The following GABBR2 variants were observed in gnomAD, a reference collection of about 807,000 sequenced individuals.
GABBR2 encodes the protein gamma-aminobutyric acid type B receptor subunit 2.
In GABBR2, 23 loss-of-function variants were observed where a neutral mutation model predicts 105.6. That is an observed-to-expected ratio of 0.22 (90% CI 0.16 to 0.31). The LOEUF (loss-of-function observed/expected upper bound fraction) is 0.31. GABBR2 is among the 10% of genes least tolerant of loss of function. The pLI is 1.00. For missense variants in GABBR2, 734 were observed against 1,245.5 expected (o/e 0.59, Z 6.18); for synonymous variants, 478 against 499.7 (o/e 0.96, Z 0.58).
At chr9:98,575,709 G>T (rs943548720) in intron 2 of GABBR2, among the ~76,000 whole-genome samples, 1 of 152,164 alleles carries the variant, frequency 6.6e-6, no homozygotes, top group African/African-American at 2.4e-5. Flanking sequence ...ATGAGGCCAG[G>T]CTCCCACGGC....
At chr9:98,534,234 G>A (rs552279774) in intron 3 of GABBR2, among the ~76,000 whole-genome samples, 1 of 152,374 alleles carries the variant, frequency 6.6e-6, no homozygotes, top group African/African-American at 2.4e-5. Flanking sequence ...CCTCACCTCA[G>A]TGGGGCCTGC....
chr9:98,653,674 C>T (rs180869989), intron 1 of GABBR2, among the ~76,000 whole-genome samples: 1 of 152,228 alleles, frequency 6.6e-6, no homozygotes, highest in East Asian at 1.9e-4. Context: ...GCTGTTAGCA[C>T]AGCCTCTTCT....
chr9:98,557,187 C>T (rs960163494), intron 2 of GABBR2, among the ~76,000 whole-genome samples: 6 of 152,144 alleles, frequency 3.9e-5, no homozygotes, highest in Non-Finnish European at 8.8e-5. Context: ...TTTGCTCCAG[C>T]GTCCTCTCTC....
intron 4 of GABBR2, 112 bp downstream of exon 4, chr9:98,496,301 G>T: frequency 2.8e-6 from 2 of 718,146 alleles, no homozygotes. Flanking sequence ...TGCCAAGGTG[G>T]AAATGAACTT....
At chr9:98,638,412 G>A (rs761701676) in intron 1 of GABBR2, among the ~76,000 whole-genome samples, 40 of 152,196 alleles carry the variant, frequency 2.6e-4, no homozygotes, top group Non-Finnish European at 5.3e-4. Context: ...ACAGAGAAGC[G>A]AAGCAGAGAT....
At chr9:98,403,757 AT>A (rs869232359) in intron 8 of GABBR2, among the ~76,000 whole-genome samples, 411 of 129,282 alleles carry the variant, frequency 3.2e-3, no homozygotes, top group African/African-American at 0.011. Context: ...AAAAAAAAAA[AT>A]ATATATATAT....
intron 6 of GABBR2, among the ~76,000 whole-genome samples, chr9:98,469,624 G>C (rs377340220): frequency 6.6e-6 from 1 of 152,188 alleles, no homozygotes; most frequent in African/African-American, 2.4e-5. Flanking sequence ...TATCCTGAGA[G>C]CCTTAAGTTA....
intron 15 of GABBR2, among the ~76,000 whole-genome samples, chr9:98,305,541 G>A (rs1830537476): frequency 1.3e-5 from 2 of 152,188 alleles, no homozygotes; most frequent in South Asian, 4.1e-4. Flanking sequence ...TAGGCTGGGC[G>A]AGGTGGCTCA....
At chr9:98,354,917 TTTCAACCTGCC>T (rs1157597696) in intron 13 of GABBR2, among the ~76,000 whole-genome samples, 6 of 152,340 alleles carry the variant, frequency 3.9e-5, no homozygotes, top group South Asian at 2.1e-4. Context: ...CTATCTCTGC[TTTCAACCTGCC>T]TTCAACCTGC....
At chr9:98,687,421 G>T (rs1186419199) in intron 1 of GABBR2, among the ~76,000 whole-genome samples, 2 of 152,042 alleles carry the variant, frequency 1.3e-5, no homozygotes, top group African/African-American at 4.8e-5. Context: ...TTCAGGGTGG[G>T]GAATTCTCAC....
intron 1 of GABBR2, among the ~76,000 whole-genome samples, chr9:98,616,947 G>T (rs771947658): frequency 6.6e-6 from 1 of 152,134 alleles, no homozygotes; most frequent in Non-Finnish European, 1.5e-5. Context: ...CCCTCAAAAT[G>T]CAGAACCATG....
At position 98,293,855 on chromosome 9, in the gene GABBR2, G is replaced by T. The variant is rs2131336258; in HGVS notation, c.2590C>A (p.Leu864Ile). The change falls in exon 18 of 19, where the codon CTA becomes ATA. Residue 864 changes from leucine to isoleucine, a missense_variant. Physicochemically the swap from Leu to Ile is conservative, Grantham distance 5 (BLOSUM62 2). Transcript: ENST00000259455. Reference protein sequence around the residue: ...LKNHLDQNPQLQWNTTEPSRT... With the variant: ...LKNHLDQNPQIQWNTTEPSRT... The stretch of plus-strand genomic sequence containing the variant: ...GAGGGCTCTGTTGTGTTCCACTGTA[G>T]CTGGGGATTTTGATCGAGGTGATTT... 6.2e-7 allele frequency: 1 copy of T among 1,613,086 alleles called. No individual in the cohort carries two copies. The highest frequency in any genetic ancestry group is 1.6e-4 in the Middle Eastern group (1 of 6,062).
At chr9:98,684,247 A>G (rs1487995921) in intron 1 of GABBR2, among the ~76,000 whole-genome samples, 2 of 147,126 alleles carry the variant, frequency 1.4e-5, no homozygotes, top group African/African-American at 2.5e-5. Flanking sequence ...TCTGAAGTCT[A>G]TTTTTTTTAA....
chr9:98,459,881 C>G (rs1355777590), intron 6 of GABBR2, among the ~76,000 whole-genome samples: 1 of 152,212 alleles, frequency 6.6e-6, no homozygotes, highest in Non-Finnish European at 1.5e-5. Context: ...ACTACTCTAA[C>G]TACTTGCTTG....
chr9:98,423,993 T>C (rs1832829893), intron 7 of GABBR2, among the ~76,000 whole-genome samples: 1 of 152,214 alleles, frequency 6.6e-6, no homozygotes, highest in Admixed American at 6.5e-5. Flanking sequence ...TCTGTTTTGG[T>C]ACCAGTACCA....
intron 1 of GABBR2, among the ~76,000 whole-genome samples, chr9:98,676,328 T>C (rs1830477320): frequency 6.6e-6 from 1 of 152,234 alleles, no homozygotes; most frequent in South Asian, 2.1e-4. Flanking sequence ...TTAGCAAGAC[T>C]CATTTTGGAC....
At chr9:98,383,481 T>C (rs1050784843) in intron 11 of GABBR2, among the ~76,000 whole-genome samples, 1 of 152,170 alleles carries the variant, frequency 6.6e-6, no homozygotes, top group Non-Finnish European at 1.5e-5. Context: ...AGTGAAAAAC[T>C]CTTGAGTGGG....
chr9:98,692,498 C>G (rs1830695173), intron 1 of GABBR2, among the ~76,000 whole-genome samples: 1 of 152,250 alleles, frequency 6.6e-6, no homozygotes, highest in South Asian at 2.1e-4. Context: ...ACCTTCTACT[C>G]TCTCCGGGGC....
intron 1 of GABBR2, among the ~76,000 whole-genome samples, chr9:98,683,132 C>A (rs1433774615): frequency 1.3e-5 from 2 of 152,088 alleles, no homozygotes; most frequent in Non-Finnish European, 2.9e-5. Context: ...CTTGCTCTAT[C>A]GCCTAGGCTA....
Sources: allele counts gnomAD v4.1 joint callset (sites outside exome capture counted in the v4.1 genomes callset), GRCh38; gene constraint gnomAD v4.1.1; transcripts MANE v1.5; gene names NCBI Gene and HGNC (gene_info 2026-07-23, HGNC 2026-07-21).